STYK1: variants seen among roughly 807,000 people sequenced by gnomAD.
The protein encoded by STYK1 is tyrosine-protein kinase STYK1.
A neutral mutation model predicts 48.1 loss-of-function variants in STYK1; 46 were observed. The ratio of observed to expected loss-of-function variants is 0.96; its 90% CI spans 0.75 to 1.22. The LOEUF (loss-of-function observed/expected upper bound fraction) is 1.22. STYK1 is among the 50% of genes most tolerant of loss of function. The pLI is 0.00. For missense variants in STYK1, 527 were observed against 521.1 expected, an observed-to-expected ratio of 1.01 and a Z score of -0.11; for synonymous variants, 188 against 189.0, an observed-to-expected ratio of 0.99 and a Z score of 0.04.
At chr12:10,671,462 C>T (rs986252130) in intron 1 of STYK1, among the ~76,000 whole-genome samples, 1 of 146,630 alleles carries the variant, frequency 6.8e-6, no homozygotes, top group Non-Finnish European at 1.5e-5. Context: ...CAGCATAAGA[C>T]ATGAGAAACA....
At chr12:10,658,265 T>A (rs958501848) in intron 1 of STYK1, among the ~76,000 whole-genome samples, 12 of 152,224 alleles carry the variant, frequency 7.9e-5, no homozygotes, top group Non-Finnish European at 1.5e-4. Flanking sequence ...TGAATAGATT[T>A]GTCTATAATG....
intron 1 of STYK1, among the ~76,000 whole-genome samples, chr12:10,665,558 A>C (rs991398216): frequency 6.6e-6 from 1 of 152,002 alleles, no homozygotes; most frequent in Non-Finnish European, 1.5e-5. Context: ...TATTTTTTTC[A>C]GTTGAGTTTT....
At chr12:10,636,406 A>T (rs1469671653) in intron 2 of STYK1, among the ~76,000 whole-genome samples, 1 of 152,206 alleles carries the variant, frequency 6.6e-6, no homozygotes, top group Non-Finnish European at 1.5e-5. Context: ...CCTTATTCTT[A>T]TTCTTAGAAT....
intron 7 of STYK1, among the ~76,000 whole-genome samples, chr12:10,625,816 C>T (rs1342080571): frequency 6.6e-6 from 1 of 152,154 alleles, no homozygotes; most frequent in Admixed American, 6.5e-5. Context: ...ATAAGATTTT[C>T]ACCCCAGATT....
intron 10 of STYK1, 48 bp from the exon 11 acceptor site, chr12:10,620,396 T>TG: frequency 1.9e-6 from 3 of 1,564,262 alleles, no homozygotes; most frequent in Non-Finnish European, 2.6e-6. Flanking sequence ...GGCAAATGTA[T>TG]GGGGAGCATG....
At position 10,621,920 on chromosome 12, in the gene STYK1, T is replaced by G; in HGVS notation, c.1020A>C (p.Gln340His). 2 of 1,613,806 alleles carry G rather than the reference T, an allele frequency of 1.2e-6. No individual in the cohort carries two copies. The highest frequency in any genetic ancestry group is 1.7e-5 in the Admixed American group (1 of 60,002). Residue 340 changes from glutamine (Q) to histidine (H), a missense_variant, in exon 10 of 11, where the codon CAA (glutamine) becomes CAC (histidine). Gln to His is a conservative substitution (Grantham distance 24). Transcript: ENST00000075503. Reference sequence around the variant, plus strand: ...TGGGTCTCTTCATGATTTTCCTTCTTTGGAGATGCTCTAGGATGCTGGTAG... The same window carrying G: ...TGGGTCTCTTCATGATTTTCCTTCTGTGGAGATGCTCTAGGATGCTGGTAG... ...VPPTSILEHL[Q>H]RRKIMKRPSS...
Position 10,622,690 on chromosome 12 carries a change from A to T in STYK1, c.927-12T>A, listed in dbSNP as rs1181371301. Reference sequence around the variant, plus strand: ...TCCCAAAAGACCAGCTGTAAAAGAAACAAAGCCATCTATTTAATTTCTATT... The same window carrying T: ...TCCCAAAAGACCAGCTGTAAAAGAATCAAAGCCATCTATTTAATTTCTATT... On this transcript the variant is annotated splice_polypyrimidine_tract_variant and intron_variant, in intron 8 of 10. Transcript: ENST00000075503. 3 of 1,613,874 alleles carry T rather than the reference A, an allele frequency of 1.9e-6. No homozygotes were observed. The highest frequency in any genetic ancestry group is 2.5e-6 in the Non-Finnish European group (3 of 1,179,904).
intron 1 of STYK1, among the ~76,000 whole-genome samples, chr12:10,650,169 A>G (rs1023174439): frequency 6.8e-6 from 1 of 147,380 alleles, no homozygotes; most frequent in Non-Finnish European, 1.5e-5. Context: ...AACAAGCTTC[A>G]TTGTTGCTTG....
intron 1 of STYK1, among the ~76,000 whole-genome samples, chr12:10,653,148 C>G (rs1022475440): frequency 6.6e-6 from 1 of 151,948 alleles, no homozygotes; most frequent in African/African-American, 2.4e-5. Flanking sequence ...TATCGGCTTA[C>G]TGCAAGCTCC....
intron 5 of STYK1, among the ~76,000 whole-genome samples, 158 bp downstream of exon 5, chr12:10,630,887 A>C (rs1239680755): frequency 6.6e-6 from 1 of 152,076 alleles, no homozygotes; most frequent in African/African-American, 2.4e-5. Context: ...AAAAAAAAAG[A>C]CACCAAGAAA....
chr12:10,654,371 TTACTC>T (rs972935971), intron 1 of STYK1, among the ~76,000 whole-genome samples: 2 of 152,228 alleles, frequency 1.3e-5, no homozygotes, highest in African/African-American at 2.4e-5. Context: ...TGCTTTCACT[TTACTC>T]TATGGAGTCA....
intron 7 of STYK1, among the ~76,000 whole-genome samples, chr12:10,626,320 A>G (rs182117623): frequency 1.3e-5 from 2 of 152,208 alleles, no homozygotes; most frequent in African/African-American, 4.8e-5. Flanking sequence ...TTCTGAATAC[A>G]GGGTAGGCTG....
At chr12:10,670,175 A>ATATTATCTTACTTTTATTACTTT (rs1947876887) in intron 1 of STYK1, among the ~76,000 whole-genome samples, 1 of 152,148 alleles carries the variant, frequency 6.6e-6, no homozygotes, top group African/African-American at 2.4e-5. Flanking sequence ...TTTATTCAGT[A>ATATTATCTTACTTTTATTACTTT]TATTATCTTA....
Position 10,623,416 on chromosome 12 carries a change from C to T in STYK1, c.927-738G>A, listed in dbSNP as rs1346675995. On this transcript the variant is annotated intron_variant, in intron 8 of 10. Coordinates refer to ENST00000075503, the MANE Select transcript of STYK1 (RefSeq NM_018423.3). ...GCTAGCAGGATATTCTACATTACAT[C>T]AATGCACTTCTCCAAGCAATTGAGT... Among the ~76,000 whole-genome samples the T allele has an allele frequency of 2.6e-5, 4 of 152,118 alleles. 1 individual carries two copies. Among genetic ancestry groups the T allele is most frequent in the Admixed American group, 2.6e-4 (4 of 15,268 alleles).
chr12:10,648,451 C>T (rs578003517), intron 1 of STYK1, among the ~76,000 whole-genome samples: 6 of 151,426 alleles, frequency 4.0e-5, no homozygotes, highest in African/African-American at 7.3e-5. Context: ...TAGTCAAAAA[C>T]GTGAAAAACA....
At chr12:10,662,372 G>GT (rs1294532076) in intron 1 of STYK1, among the ~76,000 whole-genome samples, 6 of 152,128 alleles carry the variant, frequency 3.9e-5, no homozygotes, top group Admixed American at 2.0e-4. Context: ...TTTTTCCTTG[G>GT]TATATATGTA....
At position 10,631,070 on chromosome 12, in the gene STYK1, C is replaced by T. The variant is rs1172437375; in HGVS notation, c.426G>A (p.Lys142=). The change falls in exon 5 of 11, where the codon AAG becomes AAA. Residue 142 remains lysine (K), a synonymous_variant. Coordinates refer to ENST00000075503, the MANE Select transcript of STYK1 (RefSeq NM_018423.3). ...CTTTTAAAGCCTTGAGAATAACACT[C>T]TTGGGCTTAGAAGGGTCCCCAGTGT... ...NMNTGDPSKP[K]SVILKALKEP... is the part of the protein sequence containing the mutation. The T allele has an allele frequency of 1.9e-6, 3 of 1,614,004 alleles. No homozygotes were observed. The highest frequency in any genetic ancestry group is 2.5e-6 in the Non-Finnish European group (3 of 1,180,044).
In STYK1 at chr12:10,638,145, T is replaced by C. The variant is rs77804407; in HGVS notation, c.-194-949A>G. Among the ~76,000 whole-genome samples the C allele has an allele frequency of 2.5e-3, 375 of 152,356 alleles. 4 individuals carry two copies. The East Asian group carries it at 0.061, about 25-fold the overall frequency. On this transcript the variant is annotated intron_variant, in intron 1 of 10. Coordinates refer to ENST00000075503, the MANE Select transcript of STYK1 (RefSeq NM_018423.3). Reference sequence around the variant, plus strand: ...AATCAAGGGTCTAGTGAAATTGTAATATATTTCATTCTGATAAATATGTTT... The same window carrying C: ...AATCAAGGGTCTAGTGAAATTGTAACATATTTCATTCTGATAAATATGTTT...
intron 5 of STYK1, 108 bp from the exon 6 acceptor site, chr12:10,629,782 G>A: frequency 7.8e-7 from 1 of 1,285,846 alleles, no homozygotes; most frequent in South Asian, 1.3e-5. Flanking sequence ...GCCCCACATG[G>A]GAGTGAATGA....
Sources: gnomAD v4.1 joint callset for allele counts (sites outside exome capture counted in the v4.1 genomes callset) on GRCh38, gnomAD v4.1.1 for gene constraint, MANE v1.5 for transcripts, NCBI Gene and HGNC (gene_info 2026-07-23, HGNC 2026-07-21) for gene names.